WDHD1: variants seen among roughly 807,000 people sequenced by gnomAD.
The protein encoded by WDHD1 is WD repeat and HMG-box DNA binding protein 1, also known as WD repeat and HMG-box DNA-binding protein 1.
In WDHD1, 111 loss-of-function variants were observed where a neutral mutation model predicts 135.4. The observed-to-expected ratio is 0.82, with a 90% confidence interval of 0.70 to 0.96. The LOEUF (loss-of-function observed/expected upper bound fraction) is 0.96, where lower values mean the gene tolerates loss of function less well. WDHD1 is among the 40% of genes least tolerant of loss of function. The pLI, the probability that WDHD1 is intolerant of heterozygous loss-of-function variation, is 0.00. For missense variants in WDHD1, 1,351 were observed against 1,336.3 expected (o/e 1.01, Z -0.17); for synonymous variants, 434 against 439.0 (o/e 0.99, Z 0.14).
At chr14:54,990,842 T>C (rs1292595534) in intron 12 of WDHD1, among the ~76,000 whole-genome samples, 1 of 152,168 alleles carries the variant, frequency 6.6e-6, no homozygotes, top group Non-Finnish European at 1.5e-5. Context: ...TACTAGTAGT[T>C]GCCTTCTAAG....
intron 11 of WDHD1, among the ~76,000 whole-genome samples, chr14:54,991,628 G>A (rs568763618): frequency 7.2e-4 from 109 of 152,118 alleles, no homozygotes; most frequent in South Asian, 2.1e-3. Flanking sequence ...TGTATTAGTC[G>A]TTACTGCATT....
chr14:55,016,328 A>G (rs958090216), intron 2 of WDHD1, among the ~76,000 whole-genome samples: 2 of 152,240 alleles, frequency 1.3e-5, no homozygotes, highest in Non-Finnish European at 2.9e-5. Flanking sequence ...TACATATTTA[A>G]TAAAAGATTA....
intron 14 of WDHD1, among the ~76,000 whole-genome samples, chr14:54,985,389 G>C (rs1298655415): frequency 6.6e-6 from 1 of 152,114 alleles, no homozygotes; most frequent in Admixed American, 6.6e-5. Context: ...GTGGATGGAG[G>C]GAACAGCTAA....
chr14:55,007,507 TATA>T (rs1357877373), intron 6 of WDHD1, 132 bp from the exon 7 acceptor site: 10 of 617,412 alleles, frequency 1.6e-5, no homozygotes, highest in Middle Eastern at 4.4e-4. Flanking sequence ...GCACCTTAAT[TATA>T]ATAATACCTG....
Position 55,025,396 on chromosome 14 carries a change from C to T in WDHD1, c.77+1315G>A, listed in dbSNP as rs1312705414. Among the ~76,000 whole-genome samples, 2 of 151,380 alleles carry T rather than the reference C, an allele frequency of 1.3e-5. 1 individual carries two copies. The highest frequency in any genetic ancestry group is 4.9e-5 in the African/African-American group (2 of 40,988). On this transcript the variant is annotated intron_variant, in intron 2 of 25. Transcript: ENST00000360586. ...TGCTGAACGCTGGTTCCCCGGGTCC[C>T]CTTATTTCTTTCTCTATACTTAGTC...
intron 15 of WDHD1, among the ~76,000 whole-genome samples, chr14:54,981,926 T>C (rs2041624807): frequency 6.6e-6 from 1 of 151,872 alleles, no homozygotes; most frequent in Admixed American, 6.6e-5. Context: ...TTTACACAAA[T>C]AAAGTGAAAA....
chr14:54,942,566 C>T (rs1056685961), intron 25 of WDHD1, among the ~76,000 whole-genome samples: 6 of 152,282 alleles, frequency 3.9e-5, no homozygotes, highest in South Asian at 4.2e-4. Context: ...CCGACTCCAA[C>T]CCCTGGCAAC....
At chr14:54,980,387 C>A (rs1246661619) in intron 16 of WDHD1, among the ~76,000 whole-genome samples, 4 of 151,796 alleles carry the variant, frequency 2.6e-5, no homozygotes, top group Non-Finnish European at 5.9e-5. Flanking sequence ...CATCTATCAA[C>A]ACTAATTTCT....
intron 4 of WDHD1, among the ~76,000 whole-genome samples, chr14:55,009,144 C>T (rs1334218377): frequency 6.6e-6 from 1 of 152,056 alleles, no homozygotes; most frequent in Admixed American, 6.6e-5. Context: ...AAATTTGGCA[C>T]CCAAATTTAA....
intron 8 of WDHD1, 22 bp downstream of exon 8, chr14:55,002,071 A>T: frequency 6.5e-7 from 1 of 1,541,670 alleles, no homozygotes; most frequent in South Asian, 1.1e-5. Context: ...GCCCACTGAA[A>T]GTGTCACTTT....
chr14:54,985,002 G>A (rs961251860), intron 14 of WDHD1, 142 bp from the exon 15 acceptor site: 1 of 1,035,306 alleles, frequency 9.7e-7, no homozygotes, highest in Non-Finnish European at 1.4e-6. Context: ...ATCCAACTGA[G>A]GCATCATTCA....
At chr14:54,956,345 G>A (rs1171941405) in intron 23 of WDHD1, among the ~76,000 whole-genome samples, 12 of 152,036 alleles carry the variant, frequency 7.9e-5, no homozygotes, top group African/African-American at 2.7e-4. Context: ...AACAAGGAGA[G>A]GGGCAGGATA....
In WDHD1 at chr14:55,013,732, C is replaced by T. The variant is rs571690291; in HGVS notation, c.78-136G>A. The T allele has an allele frequency of 7.5e-5, 47 of 626,958 alleles. No individual in the cohort carries two copies. The East Asian group carries it at 1.3e-3, about 17-fold the overall frequency. The allele number at this position is 626,958 out of a possible 1,614,324, so 38.8% of individuals were successfully genotyped here. A position where few individuals can be genotyped will look rare whatever the true frequency, so the allele number is the denominator to read the frequency against. On this transcript the variant is annotated intron_variant, in intron 2 of 25. Transcript: ENST00000360586. ...ACTAGCCTGGATAATACAGAGAGAC[C>T]TAGTCTCTACAAAAAATTAAAAAAT...
intron 3 of WDHD1, among the ~76,000 whole-genome samples, chr14:55,010,722 T>C (rs1409506763): frequency 6.6e-6 from 1 of 152,228 alleles, no homozygotes; most frequent in Non-Finnish European, 1.5e-5. Context: ...GAAAAATGTT[T>C]GAATAGTACT....
intron 16 of WDHD1, among the ~76,000 whole-genome samples, chr14:54,976,267 T>C (rs1030713343): frequency 6.6e-6 from 1 of 152,160 alleles, no homozygotes; most frequent in Non-Finnish European, 1.5e-5. Context: ...CAAAGTCTCC[T>C]TCTGTCACGC....
chr14:54,982,606 G>A (rs2041636515), intron 15 of WDHD1, among the ~76,000 whole-genome samples: 1 of 151,976 alleles, frequency 6.6e-6, no homozygotes. Context: ...TCTTATCTGT[G>A]GCTTCACACC....
intron 3 of WDHD1, 92 bp downstream of exon 3, chr14:55,013,393 G>A (rs2042206028): frequency 1.2e-6 from 1 of 828,314 alleles, no homozygotes; most frequent in Non-Finnish European, 2.0e-6. Context: ...ATAAACAAAG[G>A]TATATCTATA....
intron 20 of WDHD1, 77 bp downstream of exon 20, chr14:54,962,661 T>TC: frequency 6.4e-7 from 1 of 1,560,736 alleles, no homozygotes. Flanking sequence ...GTATTCAATT[T>TC]CCCTCAGTTA....
At chr14:54,961,900 G>A (rs987488051) in intron 21 of WDHD1, among the ~76,000 whole-genome samples, 6 of 150,624 alleles carry the variant, frequency 4.0e-5, no homozygotes, top group Admixed American at 1.3e-4. Flanking sequence ...GCAATGGCAC[G>A]ATCTCGGCTC....
Sources: allele counts gnomAD v4.1 joint callset (sites outside exome capture counted in the v4.1 genomes callset), GRCh38; gene constraint gnomAD v4.1.1; transcripts MANE v1.5; gene names NCBI Gene and HGNC (gene_info 2026-07-23, HGNC 2026-07-21).